Variants in COQ8B observed in about 807,000 individuals in gnomAD.
COQ8B encodes the protein coenzyme Q8B.
Under a neutral mutation model 62.0 loss-of-function variants are expected in COQ8B, and 44 were observed. The observed-to-expected ratio is 0.71, with a 90% CI of 0.56 to 0.91. The LOEUF is 0.91. Among genes scored for constraint, COQ8B ranks in the 40% least tolerant of loss-of-function variants. The pLI, the probability that COQ8B is intolerant of heterozygous loss-of-function variation, is 0.00. For synonymous variants in COQ8B, 252 were observed against 289.9 expected, an observed-to-expected ratio of 0.87 and a Z score of 1.33; for missense variants, 649 against 731.6, an observed-to-expected ratio of 0.89 and a Z score of 1.30.
Position 40,703,810 on chromosome 19 carries a change from C to G in COQ8B, c.622G>C (p.Ala208Pro). ...GCAAAGGGCACCTCCTCCAAGGAGG[C>G]CACCTTGGCCTGCCAGTCCCTGCCG... The part of the protein sequence containing the change: ...ELGRDWQAKV[A>P]SLEEVPFAAA... Residue 208 changes from alanine (A) to proline (P), a missense_variant, in exon 8 of 15, where the codon GCC (alanine) becomes CCC (proline). By Grantham distance (27) the Ala-to-Pro change is conservative. Transcript: ENST00000324464. The G allele has an allele frequency of 6.2e-7, 1 of 1,613,438 alleles. No individual in the cohort carries two copies. The highest frequency in any genetic ancestry group is 8.5e-7 in the Non-Finnish European group (1 of 1,179,602).
In COQ8B at chr19:40,691,873, T is replaced by TC. The variant is rs1241123295; in HGVS notation, c.*161dup. 3.3e-6 allele frequency: 2 copies of TC among 607,596 alleles called. No individual in the cohort carries two copies. Among genetic ancestry groups the TC allele is most frequent in the Non-Finnish European group, 5.0e-6 (2 of 397,492 alleles). The allele number at this position is 607,596 out of a possible 1,614,324, so 37.6% of individuals were successfully genotyped here. ...GGATCTAGGGCACGAAGTTGGGAGT[T>TC]CCCCAGCCCCAGGGATCCTGAGCTC... On this transcript the variant is annotated 3_prime_UTR_variant, in exon 15 of 15. Transcript: ENST00000324464.
intron 4 of COQ8B, among the ~76,000 whole-genome samples, chr19:40,712,044 CAG>C (rs2082145921): frequency 6.6e-6 from 1 of 150,862 alleles, no homozygotes; most frequent in East Asian, 1.9e-4. Context: ...TTTTTTGAGA[CAG>C]AGTTTCACTC....
Position 40,714,488 on chromosome 19 carries a change from C to T in COQ8B, c.102+43G>A, listed in dbSNP as rs2082169087. Reference sequence around the variant, plus strand: ...CTGTCCTTTTACCCTCTGAAGTCTCCCTCAGCCTCTTCCCCTTGGGGACCT... The same window carrying T: ...CTGTCCTTTTACCCTCTGAAGTCTCTCTCAGCCTCTTCCCCTTGGGGACCT... On this transcript the variant is annotated intron_variant, in intron 2 of 14. Coordinates refer to ENST00000324464, the MANE Select transcript of COQ8B (RefSeq NM_024876.4). The T allele has an allele frequency of 4.3e-6, 7 of 1,613,788 alleles. No homozygotes were observed. The East Asian group carries it at 1.6e-4, about 36-fold the overall frequency.
intron 13 of COQ8B, among the ~76,000 whole-genome samples, chr19:40,693,649 C>A (rs778532695): frequency 2.0e-5 from 3 of 152,154 alleles, no homozygotes; most frequent in African/African-American, 4.8e-5. Context: ...TGCCACCTGC[C>A]GGCCTGTTGG....
At chr19:40,713,222 C>T (rs908003172) in intron 4 of COQ8B, among the ~76,000 whole-genome samples, 4 of 151,976 alleles carry the variant, frequency 2.6e-5, no homozygotes, top group Non-Finnish European at 5.9e-5. Flanking sequence ...ATTAGCCAGG[C>T]GGCCAGGTGT....
At position 40,700,556 on chromosome 19, in the gene COQ8B, G is replaced by A. The variant is rs576241876; in HGVS notation, c.894-105C>T. The A allele has an allele frequency of 2.4e-4, 327 of 1,373,100 alleles. No homozygotes were observed. In the African/African-American group the frequency reaches 4.0e-3, roughly 17 times the overall value. 85.1% of individuals were successfully genotyped at this position (1,373,100 alleles called of 1,614,324 possible). On this transcript the variant is annotated intron_variant, in intron 10 of 14. Transcript: ENST00000324464. ...CAGAAGTCCTCCATGAACAGTCTGC[G>A]CCATGCCCTCCCTCCTGCCCATCTC...
chr19:40,703,456 C>T (rs1242515091), intron 9 of COQ8B, 85 bp downstream of exon 9: 37 of 1,380,838 alleles, frequency 2.7e-5, no homozygotes, highest in African/African-American at 8.7e-5. Flanking sequence ...CCTGCCCGTG[C>T]TCTCCTCTGG....
rs928011750 is a variant in COQ8B at position 40,692,198 on chromosome 19, T to C, written c.1472A>G (p.Lys491Arg). 3 of 1,599,378 alleles carry C rather than the reference T, an allele frequency of 1.9e-6. No homozygotes were observed. The African/African-American group carries it at 4.0e-5, about 21-fold the overall frequency. ...PPEETYALHR[K>R]LAGAFLACAH... is the part of the protein sequence containing the mutation. ...ACAGGCCAGGAAAGCCCCTGCCAGC[T>C]TGCGGTGCAGGGCATAGGTCTCCTC... Residue 491 changes from lysine to arginine, a missense_variant, in exon 15 of 15, where the codon AAG (lysine) becomes AGG (arginine). Coordinates refer to ENST00000324464, the MANE Select transcript of COQ8B (RefSeq NM_024876.4).
intron 4 of COQ8B, among the ~76,000 whole-genome samples, chr19:40,710,741 C>T (rs936013796): frequency 6.6e-6 from 1 of 152,178 alleles, no homozygotes; most frequent in Non-Finnish European, 1.5e-5. Flanking sequence ...AATGCCCAGA[C>T]TCCACTCCCC....
chr19:40,697,843 TATATATATAG>T (rs1288529464), intron 12 of COQ8B, among the ~76,000 whole-genome samples: 2 of 48,778 alleles, frequency 4.1e-5, no homozygotes, highest in East Asian at 4.9e-4. Flanking sequence ...TATATATATA[TATATATATAG>T]AGAGAGAGAG....
At position 40,692,230 on chromosome 19, in the gene COQ8B, G is replaced by T; in HGVS notation, c.1440C>A (p.Pro480=). The T allele has an allele frequency of 6.2e-7, 1 of 1,608,940 alleles. No homozygotes were observed. The highest frequency in any genetic ancestry group is 1.7e-5 in the Admixed American group (1 of 59,408). Residue 480 remains proline (P), a synonymous_variant, in exon 15 of 15, where the codon CCC becomes CCA. Coordinates refer to ENST00000324464, the MANE Select transcript of COQ8B (RefSeq NM_024876.4). The stretch of plus-strand genomic sequence containing the variant: ...GCAGGGCATAGGTCTCCTCGGGTGG[G>T]GGACACAGCCGGTGCCGCAGCAGCA... ...IPVLLRHRLC[P]PPEETYALHR...
chr19:40,704,023 T>C (rs2082081987), intron 7 of COQ8B, 168 bp from the exon 8 acceptor site: 3 of 827,812 alleles, frequency 3.6e-6, no homozygotes, highest in South Asian at 1.9e-5. Context: ...GAGAGCTCCC[T>C]TGTGCAAGTG....
At chr19:40,710,893 A>C (rs1388772212) in intron 4 of COQ8B, among the ~76,000 whole-genome samples, 2 of 152,094 alleles carry the variant, frequency 1.3e-5, no homozygotes, top group Admixed American at 6.5e-5. Flanking sequence ...GCACTTTGGG[A>C]GGCCGAGGTG....
chr19:40,698,306 G>T (rs1305215333), intron 12 of COQ8B, among the ~76,000 whole-genome samples: 1 of 148,288 alleles, frequency 6.7e-6, no homozygotes, highest in African/African-American at 2.5e-5. Context: ...AAAAAAAAAA[G>T]TGCTGGTGGA....
intron 12 of COQ8B, among the ~76,000 whole-genome samples, chr19:40,699,004 T>C (rs1262049589): frequency 6.6e-6 from 1 of 151,980 alleles, no homozygotes; most frequent in Non-Finnish European, 1.5e-5. Flanking sequence ...AGCCTTTTTT[T>C]TTTTTTTAAA....
chr19:40,702,540 G>T, intron 10 of COQ8B, 60 bp downstream of exon 10: 1 of 1,537,644 alleles, frequency 6.5e-7, no homozygotes, highest in African/African-American at 1.4e-5. Flanking sequence ...TGAGGGGGCA[G>T]CTACTTCCCA....
intron 1 of COQ8B, 151 bp from the exon 2 acceptor site, chr19:40,714,786 C>T (rs2082172131): frequency 7.5e-7 from 1 of 1,327,260 alleles, no homozygotes. Context: ...CTGGTTCTCC[C>T]CTGGTTGCTA....
chr19:40,712,643 C>T (rs900637058), intron 4 of COQ8B, among the ~76,000 whole-genome samples: 5 of 152,104 alleles, frequency 3.3e-5, no homozygotes, highest in South Asian at 2.1e-4. Flanking sequence ...AAGACATTTA[C>T]GTTATAACCA....
At chr19:40,697,607 G>A (rs1248420150) in intron 12 of COQ8B, among the ~76,000 whole-genome samples, 1 of 151,422 alleles carries the variant, frequency 6.6e-6, no homozygotes, top group Non-Finnish European at 1.5e-5. Flanking sequence ...GATCAGACTG[G>A]CCAACATGGT....
Sources: allele counts gnomAD v4.1 joint callset (sites outside exome capture counted in the v4.1 genomes callset), GRCh38; gene constraint gnomAD v4.1.1; transcripts MANE v1.5; gene names NCBI Gene and HGNC (gene_info 2026-07-23, HGNC 2026-07-21).